Variants in LMF1 observed in about 807,000 individuals in gnomAD.
The protein encoded by LMF1 is transmembrane protein 112.
Under a neutral mutation model 60.6 loss-of-function variants are expected in LMF1, and 68 were observed. That is an observed-to-expected ratio of 1.12 (90% confidence interval 0.92 to 1.37). LMF1 has a LOEUF of 1.37. Among genes scored for constraint, LMF1 ranks in the 40% most tolerant of loss-of-function variants. LMF1 has a pLI of 0.00. For missense variants in LMF1, 948 were observed against 767.2 expected (o/e 1.24, Z -2.78); for synonymous variants, 418 against 324.7 (o/e 1.29, Z -3.09).
chr16:864,879 C>T (rs1381360616), intron 10 of LMF1, among the ~76,000 whole-genome samples: 1 of 152,110 alleles, frequency 6.6e-6, no homozygotes, highest in Non-Finnish European at 1.5e-5. Context: ...TGCCTCAGCT[C>T]CCAAAGTGCT....
At chr16:925,832 A>G (rs1357874971) in intron 3 of LMF1, among the ~76,000 whole-genome samples, 1 of 152,270 alleles carries the variant, frequency 6.6e-6, no homozygotes, top group Non-Finnish European at 1.5e-5. Flanking sequence ...AAAGAAATGT[A>G]TCTAATATGG....
At chr16:911,161 T>C in intron 3 of LMF1, 82 bp from the exon 4 acceptor site, 1 of 1,481,134 alleles carries the variant, frequency 6.8e-7, no homozygotes, top group African/African-American at 1.4e-5. Context: ...CTCAGTTTAA[T>C]GGAAACGGTC....
intron 2 of LMF1, among the ~76,000 whole-genome samples, chr16:951,867 C>T (rs1316850609): frequency 1.3e-5 from 2 of 152,358 alleles, no homozygotes; most frequent in Admixed American, 1.3e-4. Context: ...ACCAGGCCAC[C>T]GTCAGCAGAG....
At chr16:947,780 C>CGACAGAGTCAGCCAAT in intron 2 of LMF1, 1 of 352,040 alleles carries the variant, frequency 2.8e-6, no homozygotes, top group Non-Finnish European at 5.6e-6. Flanking sequence ...TCAGAGCCAA[C>CGACAGAGTCAGCCAAT]GACAGAGTCA....
rs2072835544 is a variant in LMF1, at chr16:962,646, G to A, written c.194-7980C>T. On this transcript the variant is annotated intron_variant, in intron 1 of 10. Transcript: ENST00000262301. The surrounding 1 kb of genome is among the most constrained non-coding windows in gnomAD (Gnocchi z 4.5). ...CCAACGTGAGGGACGCTCTACAGAC[G>A]CCATGACAGGCCTGCTTGACACTGT... Among the ~76,000 whole-genome samples, 1 of 152,152 alleles carries A rather than the reference G, an allele frequency of 6.6e-6. No individual in the cohort carries two copies. Among genetic ancestry groups the A allele is most frequent in the African/African-American group, 2.4e-5 (1 of 41,450 alleles).
chr16:903,615 C>T (rs2070880871), intron 4 of LMF1: 1 of 96,830 alleles, frequency 1.0e-5, no homozygotes, highest in Non-Finnish European at 2.0e-5. Flanking sequence ...GCATCGCCCA[C>T]AGGACGCCTG....
At chr16:941,970 A>G (rs1398741971) in intron 2 of LMF1, among the ~76,000 whole-genome samples, 1 of 152,210 alleles carries the variant, frequency 6.6e-6, no homozygotes, top group East Asian at 1.9e-4. Flanking sequence ...ATATTTCCCT[A>G]CCTTTACCAT....
At chr16:917,219 A>G (rs778352274) in intron 3 of LMF1, among the ~76,000 whole-genome samples, 1 of 152,254 alleles carries the variant, frequency 6.6e-6, no homozygotes, top group Non-Finnish European at 1.5e-5. Flanking sequence ...GCACATGGGC[A>G]ACACACAGCC....
chr16:924,353 G>A (rs192819235), intron 3 of LMF1, among the ~76,000 whole-genome samples: 1 of 152,216 alleles, frequency 6.6e-6, no homozygotes, highest in Non-Finnish European at 1.5e-5. Flanking sequence ...GTACGGCAAG[G>A]GCTTCTGTTT....
chr16:921,918 ATAAG>A (rs1489101160), intron 3 of LMF1, among the ~76,000 whole-genome samples: 1 of 152,216 alleles, frequency 6.6e-6, no homozygotes, highest in Non-Finnish European at 1.5e-5. Context: ...AAAACAAAAC[ATAAG>A]TAAGAGAATC....
intron 1 of LMF1, chr16:968,881 T>C (rs1037278548): frequency 5.3e-5 from 8 of 152,232 alleles, no homozygotes; most frequent in Non-Finnish European, 8.8e-5. Flanking sequence ...TGGGACTTCC[T>C]GCTGTATCTC....
chr16:915,871 G>T (rs769881645), intron 3 of LMF1, among the ~76,000 whole-genome samples: 1 of 152,068 alleles, frequency 6.6e-6, no homozygotes, highest in African/African-American at 2.4e-5. Context: ...GGACGCGGGG[G>T]CCGGAGCAGG....
At chr16:855,954 G>A in intron 10 of LMF1, 4 of 455,972 alleles carry the variant, frequency 8.8e-6, no homozygotes, top group South Asian at 4.6e-5. Context: ...CTTTGGGTCT[G>A]GGTGTGTGAT....
chr16:979,840 C>T, intron 1 of LMF1: 1 of 443,718 alleles, frequency 2.3e-6, no homozygotes, highest in Non-Finnish European at 4.6e-6. Context: ...TAAACCCCCA[C>T]TTCTGCCTGC....
At chr16:959,932 C>T (rs1282077978) in intron 1 of LMF1, among the ~76,000 whole-genome samples, 2 of 152,178 alleles carry the variant, frequency 1.3e-5, no homozygotes, top group Admixed American at 6.5e-5. Flanking sequence ...TCAGAGTCAT[C>T]GGCATGGACC....
chr16:966,454 T>C (rs867920763), intron 1 of LMF1, among the ~76,000 whole-genome samples: 1 of 152,212 alleles, frequency 6.6e-6, no homozygotes, highest in South Asian at 2.1e-4. Flanking sequence ...GCCGACGCCA[T>C]GGCACCCACG....
intron 10 of LMF1, among the ~76,000 whole-genome samples, chr16:860,803 T>C (rs1027157318): frequency 6.6e-5 from 10 of 152,328 alleles, no homozygotes; most frequent in African/African-American, 2.4e-4. Context: ...TGGGTCTCTT[T>C]GTGGGTTCTC....
chr16:909,447 C>A (rs1354977924), intron 4 of LMF1, among the ~76,000 whole-genome samples: 11 of 152,144 alleles, frequency 7.2e-5, no homozygotes, highest in African/African-American at 2.7e-4. Flanking sequence ...CAGAACCACG[C>A]TATGCGCTAC....
intron 5 of LMF1, chr16:886,910 C>A (rs1004086027): frequency 6.9e-6 from 1 of 145,466 alleles, no homozygotes; most frequent in African/African-American, 2.5e-5. Flanking sequence ...CACTGCCCTT[C>A]CTTCCCAGCC....
Sources: allele counts gnomAD v4.1 joint callset (sites outside exome capture counted in the v4.1 genomes callset), GRCh38; gene constraint gnomAD v4.1.1; non-coding constraint Gnocchi (gnomAD v3.1); transcripts MANE v1.5; gene names NCBI Gene and HGNC (gene_info 2026-07-23, HGNC 2026-07-21).